The following GSE1 variants were observed in gnomAD, a reference collection of about 807,000 sequenced individuals.
The protein encoded by GSE1 is Gse1 coiled-coil protein.
GSE1 carries 32 observed loss-of-function variants against 112.6 expected under a neutral mutation model. The ratio of observed to expected loss-of-function variants is 0.28; its 90% CI spans 0.21 to 0.38. The LOEUF is 0.38. GSE1 is among the 10% of genes least tolerant of loss of function. The pLI is 1.00. For synonymous variants in GSE1, 1,115 were observed against 735.6 expected (o/e 1.52, Z -8.35); for missense variants, 2,348 against 1,699.2 (o/e 1.38, Z -6.71).
intron 1 of GSE1, among the ~76,000 whole-genome samples, chr16:85,582,501 G>C (rs987844955): frequency 1.3e-5 from 2 of 152,114 alleles, no homozygotes; most frequent in Admixed American, 1.3e-4. Context: ...CCTTGGACCC[G>C]ACATCCCCTG....
At chr16:85,629,023 C>G (rs1281981611) in intron 1 of GSE1, among the ~76,000 whole-genome samples, 1 of 152,188 alleles carries the variant, frequency 6.6e-6, no homozygotes, top group African/African-American at 2.4e-5. Context: ...GGTGAGCACG[C>G]TCTCGCAAGA....
rs541576502 is a variant in GSE1 at position 85,241,610 on chromosome 16, G to A, written c.2283+69803G>A. ...CAATTACCCGGTGTGGTCTCCCAGT[G>A]CCTGGATTTAGGAATATGTCACTCA... On this transcript the variant is annotated intron_variant, in intron 1 of 2. Coordinates refer to the GSE1 transcript ENST00000637419. 4.6e-5 allele frequency among the ~76,000 whole-genome samples: 7 copies of A among 152,276 alleles called. No homozygotes were observed. The South Asian group carries it at 1.2e-3, about 27-fold the overall frequency.
chr16:85,380,351 C>T (rs551239415), intron 2 of GSE1, among the ~76,000 whole-genome samples: 1 of 152,298 alleles, frequency 6.6e-6, no homozygotes, highest in Non-Finnish European at 1.5e-5. Context: ...GGAGGTGGCA[C>T]TCCAGGGCCT....
At chr16:85,226,303 C>G (rs113987330) in intron 1 of GSE1, among the ~76,000 whole-genome samples, 1 of 152,184 alleles carries the variant, frequency 6.6e-6, no homozygotes, top group Non-Finnish European at 1.5e-5. Flanking sequence ...ATTTATGTTG[C>G]TTGATACTGA....
At chr16:85,556,069 A>T in exon 1 of GSE1, 2 of 983,572 alleles carry the variant, frequency 2.0e-6, no homozygotes, top group African/African-American at 3.5e-5. Flanking sequence ...CTCATTGTGG[A>T]TCTGCCAGGG....
intron 1 of GSE1, among the ~76,000 whole-genome samples, chr16:85,340,089 G>A (rs2046592215): frequency 7.0e-6 from 1 of 143,718 alleles, no homozygotes; most frequent in East Asian, 1.9e-4. Flanking sequence ...TATCCAGAAT[G>A]GAAACAGATG....
intron 2 of GSE1, among the ~76,000 whole-genome samples, chr16:85,358,775 A>G (rs952102811): frequency 6.6e-6 from 1 of 152,190 alleles, no homozygotes; most frequent in Non-Finnish European, 1.5e-5. Context: ...CAGGGTGGTC[A>G]GGCCACAAAA....
chr16:85,508,624 C>T (rs1425012669), intron 2 of GSE1, among the ~76,000 whole-genome samples: 1 of 152,224 alleles, frequency 6.6e-6, no homozygotes, highest in Non-Finnish European at 1.5e-5. Context: ...TCTAAAACAT[C>T]CTCGGGGAGG....
intron 1 of GSE1, chr16:85,207,772 G>A (rs748302242): frequency 1.1e-4 from 17 of 152,286 alleles, no homozygotes; most frequent in African/African-American, 3.6e-4. Context: ...ACCTCTCTGG[G>A]TCGCCACTGA....
intron 1 of GSE1, among the ~76,000 whole-genome samples, chr16:85,200,659 G>T (rs556543540): frequency 1.3e-5 from 2 of 152,140 alleles, no homozygotes; most frequent in African/African-American, 2.4e-5. Context: ...GCCCTCTTTC[G>T]CCCCACATTT....
chr16:85,528,489 T>TA (rs2052435621), intron 2 of GSE1, among the ~76,000 whole-genome samples: 1 of 151,358 alleles, frequency 6.6e-6, no homozygotes, highest in South Asian at 2.1e-4. Context: ...AATTTTTTTT[T>TA]TTTTTTTAAT....
At chr16:85,194,990 A>G (rs1321588706) in intron 1 of GSE1, among the ~76,000 whole-genome samples, 1 of 152,054 alleles carries the variant, frequency 6.6e-6, no homozygotes, top group Non-Finnish European at 1.5e-5. Context: ...CATCATAAAG[A>G]CTTGTTCCCG....
intron 1 of GSE1, among the ~76,000 whole-genome samples, chr16:85,621,763 A>T (rs1243557415): frequency 6.6e-6 from 1 of 152,104 alleles, no homozygotes; most frequent in Non-Finnish European, 1.5e-5. Context: ...TCTCTTATCC[A>T]CTGGAGAGAC....
chr16:85,509,082 A>G (rs2051643380), intron 2 of GSE1, among the ~76,000 whole-genome samples: 1 of 152,184 alleles, frequency 6.6e-6, no homozygotes. Flanking sequence ...GCCTCTGTAG[A>G]GAAGAAACGC....
At chr16:85,227,107 A>G (rs2075502709) in intron 1 of GSE1, among the ~76,000 whole-genome samples, 1 of 151,182 alleles carries the variant, frequency 6.6e-6, no homozygotes, top group Admixed American at 6.6e-5. Context: ...CTTTTCATCC[A>G]TCCATCCATC....
intron 1 of GSE1, among the ~76,000 whole-genome samples, chr16:85,244,739 C>A (rs997687156): frequency 1.3e-5 from 2 of 151,848 alleles, no homozygotes; most frequent in African/African-American, 4.8e-5. Flanking sequence ...ACCTATAATC[C>A]CAGCACTTTG....
chr16:85,292,142 C>CT (rs34933476), intron 1 of GSE1, among the ~76,000 whole-genome samples: 2,443 of 137,812 alleles, frequency 0.018, 64 homozygotes, highest in African/African-American at 0.052. Flanking sequence ...AAGAATGAAC[C>CT]TTTTTTTTTT....
At chr16:85,461,077 C>G (rs1597821884) in intron 2 of GSE1, among the ~76,000 whole-genome samples, 1 of 152,354 alleles carries the variant, frequency 6.6e-6, no homozygotes, top group African/African-American at 2.4e-5. Context: ...CCTTAGGGAG[C>G]ACCTGCTTCG....
intron 1 of GSE1, among the ~76,000 whole-genome samples, chr16:85,182,450 C>T (rs972829125): frequency 6.6e-6 from 1 of 152,236 alleles, no homozygotes; most frequent in Non-Finnish European, 1.5e-5. Flanking sequence ...GGCCTGGTCC[C>T]TGCAGGGGGG....
Sources: gnomAD v4.1 joint callset for allele counts (sites outside exome capture counted in the v4.1 genomes callset) on GRCh38, gnomAD v4.1.1 for gene constraint, MANE v1.5 for transcripts, NCBI Gene and HGNC (gene_info 2026-07-23, HGNC 2026-07-21) for gene names.